CREB3L1: variants seen among roughly 807,000 people sequenced by gnomAD.
CREB3L1 encodes cAMP responsive element binding protein 3 like 1.
A neutral mutation model predicts 54.5 loss-of-function variants in CREB3L1; 33 were observed. The ratio of observed to expected loss-of-function variants is 0.61; its 90% CI spans 0.46 to 0.81. The LOEUF (loss-of-function observed/expected upper bound fraction) is 0.81, where lower values mean the gene tolerates loss of function less well. CREB3L1 is among the 30% of genes least tolerant of loss of function. The probability of loss-of-function intolerance (pLI) is 0.00; values close to 1 mark genes in which losing one functional copy is unlikely to be tolerated. For synonymous variants in CREB3L1, 284 were observed against 286.4 expected (o/e 0.99, Z 0.08); for missense variants, 656 against 673.3 (o/e 0.97, Z 0.29).
chr11:46,293,543 G>T (rs1351197323), intron 1 of CREB3L1, among the ~76,000 whole-genome samples: 1 of 152,242 alleles, frequency 6.6e-6, no homozygotes, highest in African/African-American at 2.4e-5. Flanking sequence ...CCAGGACTCT[G>T]CTCTGCCTTG....
At chr11:46,305,737 TA>T (rs1364555208) in intron 2 of CREB3L1, among the ~76,000 whole-genome samples, 2 of 121,952 alleles carry the variant, frequency 1.6e-5, no homozygotes, top group Non-Finnish European at 3.2e-5. Flanking sequence ...TGTGTGTATA[TA>T]TATATATATT....
chr11:46,307,795 G>C, intron 2 of CREB3L1, 21 bp from the exon 3 acceptor site: 1 of 1,533,644 alleles, frequency 6.5e-7, no homozygotes, highest in Non-Finnish European at 8.8e-7. Flanking sequence ...AGAGTCCCCT[G>C]AGCCTTTCCC....
At chr11:46,310,458 G>A (rs902805480) in intron 4 of CREB3L1, among the ~76,000 whole-genome samples, 9 of 152,046 alleles carry the variant, frequency 5.9e-5, no homozygotes, top group East Asian at 5.8e-4. Flanking sequence ...TAGTAGAGAC[G>A]GGGTTTGGCC....
chr11:46,305,471 T>TTC (rs1014861703), intron 2 of CREB3L1, among the ~76,000 whole-genome samples: 5 of 151,632 alleles, frequency 3.3e-5, no homozygotes, highest in African/African-American at 1.2e-4. Context: ...AGGCCTCCCC[T>TTC]TCTCTCTCTC....
At chr11:46,310,644 GC>G (rs908152694) in intron 4 of CREB3L1, among the ~76,000 whole-genome samples, 1 of 151,842 alleles carries the variant, frequency 6.6e-6, no homozygotes, top group African/African-American at 2.4e-5. Context: ...TGAGAGAGAG[GC>G]CCCAGTCACC....
At chr11:46,290,473 G>T (rs532821207) in intron 1 of CREB3L1, among the ~76,000 whole-genome samples, 2 of 151,732 alleles carry the variant, frequency 1.3e-5, no homozygotes, top group Non-Finnish European at 2.9e-5. Context: ...GCCCTCTGCC[G>T]CCCCAAGGCC....
intron 1 of CREB3L1, among the ~76,000 whole-genome samples, chr11:46,296,334 G>A (rs1939210423): frequency 6.6e-6 from 1 of 152,044 alleles, no homozygotes. Context: ...AGGACCAGAA[G>A]GTCCCGCACA....
At chr11:46,314,008 G>A (rs562177983) in intron 8 of CREB3L1, among the ~76,000 whole-genome samples, 32 of 152,184 alleles carry the variant, frequency 2.1e-4, no homozygotes, top group African/African-American at 7.0e-4. Context: ...AGGCGGAGGC[G>A]GGCAAATCAC....
intron 10 of CREB3L1, among the ~76,000 whole-genome samples, chr11:46,318,496 A>C (rs1332050545): frequency 1.3e-5 from 2 of 152,212 alleles, no homozygotes; most frequent in African/African-American, 4.8e-5. Context: ...GCACTTACTG[A>C]GCCATGGCTG....
chr11:46,302,099 C>G (rs1324055702), intron 2 of CREB3L1, among the ~76,000 whole-genome samples: 1 of 150,914 alleles, frequency 6.6e-6, no homozygotes, highest in South Asian at 2.1e-4. Flanking sequence ...ACCTGGGAGG[C>G]GGAGCTTGCA....
At chr11:46,307,328 G>T (rs561084089) in intron 2 of CREB3L1, among the ~76,000 whole-genome samples, 26 of 152,168 alleles carry the variant, frequency 1.7e-4, no homozygotes, top group Non-Finnish European at 3.7e-4. Context: ...GGGCTCAAGC[G>T]ATCTGCCTGT....
intron 2 of CREB3L1, among the ~76,000 whole-genome samples, chr11:46,304,741 G>A (rs1227436177): frequency 6.6e-6 from 1 of 152,016 alleles, no homozygotes; most frequent in Admixed American, 6.6e-5. Flanking sequence ...CCAGGCTAGA[G>A]TACGGTGTTG....
In CREB3L1 at chr11:46,300,154, A is replaced by G; in HGVS notation, c.322A>G (p.Thr108Ala). 6.2e-7 allele frequency: 1 copy of G among 1,611,846 alleles called. No homozygotes were observed. Among genetic ancestry groups the G allele is most frequent in the South Asian group, 1.1e-5 (1 of 90,668 alleles). ...CCTTGTGCCCATCAAGATGGAGGAC[A>G]CCACCCAAGGTAAGAGGTGGAAGAA... ...SPLVPIKMEDTTQDAEHGAWA... is the reference protein window; with the variant it reads ...SPLVPIKMEDATQDAEHGAWA... The change falls in exon 2 of 12, where the codon ACC becomes GCC. Residue 108 changes from threonine (T) to alanine (A), a missense_variant. Thr to Ala is a moderately conservative substitution (Grantham distance 58). Coordinates refer to ENST00000621158, the MANE Select transcript of CREB3L1 (RefSeq NM_052854.4).
In CREB3L1 at chr11:46,304,496, T is replaced by G. The variant is rs1292263443; in HGVS notation, c.332-3320T>G. Reference sequence around the variant, plus strand: ...CAAAGAAAAAAAAAATAGAAGCTCATGTGTGACAAGGGCTTAGAGCTGTGC... The same window carrying G: ...CAAAGAAAAAAAAAATAGAAGCTCAGGTGTGACAAGGGCTTAGAGCTGTGC... On this transcript the variant is annotated intron_variant, in intron 2 of 11. Coordinates refer to ENST00000621158, the MANE Select transcript of CREB3L1 (RefSeq NM_052854.4). 2.6e-5 allele frequency among the ~76,000 whole-genome samples: 4 copies of G among 152,052 alleles called. No individual in the cohort carries two copies. In the Middle Eastern group the frequency reaches 0.01, roughly 391 times the overall value.
chr11:46,315,216 G>A, intron 8 of CREB3L1: 1 of 297,796 alleles, frequency 3.4e-6, no homozygotes, highest in South Asian at 3.6e-5. Context: ...TGATTGGCCT[G>A]GAGAATCCCA....
chr11:46,306,079 C>G (rs1030690436), intron 2 of CREB3L1, among the ~76,000 whole-genome samples: 6 of 151,954 alleles, frequency 3.9e-5, no homozygotes, highest in Non-Finnish European at 5.9e-5. Context: ...GGGTCTCGCT[C>G]TGTCACCCAG....
At chr11:46,294,802 C>A (rs929876181) in intron 1 of CREB3L1, among the ~76,000 whole-genome samples, 1 of 151,880 alleles carries the variant, frequency 6.6e-6, no homozygotes, top group African/African-American at 2.4e-5. Flanking sequence ...TTTCTAGTGA[C>A]CACGAGGCAA....
In CREB3L1 at chr11:46,312,852, G is replaced by T. The variant is rs749669092; in HGVS notation, c.964G>T (p.Val322Leu). 2 of 1,590,776 alleles carry T rather than the reference G, an allele frequency of 1.3e-6. No homozygotes were observed. Among genetic ancestry groups the T allele is most frequent in the East Asian group, 4.6e-5 (2 of 43,772 alleles). Residue 322 changes from valine to leucine, a missense_variant and splice_region_variant, in exon 8 of 12, where the codon GTG becomes TTG. Transcript: ENST00000621158. ...KEYVECLEKKVETFTSENNEL... is the reference protein window; with the variant it reads ...KEYVECLEKKLETFTSENNEL... ...CCTGTGCCTGCTTGGCCCCTACAGG[G>T]TGGAGACATTTACATCTGAGAACAA...
In CREB3L1 at chr11:46,295,618, C is replaced by T. The variant is rs1939198378; in HGVS notation, c.103-4317C>T. 6.6e-6 allele frequency among the ~76,000 whole-genome samples: 1 copy of T among 152,214 alleles called. No homozygotes were observed. Among genetic ancestry groups the T allele is most frequent in the African/African-American group, 2.4e-5 (1 of 41,466 alleles). On this transcript the variant is annotated intron_variant, in intron 1 of 11. Coordinates refer to ENST00000621158, the MANE Select transcript of CREB3L1 (RefSeq NM_052854.4). The surrounding 1 kb of genome is among the most constrained non-coding windows in gnomAD (Gnocchi z 4.6). Reference sequence around the variant, plus strand: ...CCCTCCTCCGCGCGAGCCCTGCACTCCTCCGGTGCCCTCCACGCCGCCACC... The same window carrying T: ...CCCTCCTCCGCGCGAGCCCTGCACTTCTCCGGTGCCCTCCACGCCGCCACC...
Sources: allele counts gnomAD v4.1 joint callset (sites outside exome capture counted in the v4.1 genomes callset), GRCh38; gene constraint gnomAD v4.1.1; non-coding constraint Gnocchi (gnomAD v3.1); transcripts MANE v1.5; gene names NCBI Gene and HGNC (gene_info 2026-07-23, HGNC 2026-07-21).